EPHA6: variants seen among roughly 807,000 people sequenced by gnomAD.
The protein encoded by EPHA6 is ephrin type-A receptor 6.
EPHA6 carries 50 observed loss-of-function variants against 112.0 expected under a neutral mutation model. The observed-to-expected ratio is 0.45, with a 90% CI of 0.36 to 0.56. EPHA6 has a LOEUF of 0.56. Among genes scored for constraint, EPHA6 ranks in the 20% least tolerant of loss-of-function variants. The pLI is 0.00. For synonymous variants in EPHA6, 529 were observed against 490.7 expected, an observed-to-expected ratio of 1.08 and a Z score of -1.03; for missense variants, 1,280 against 1,417.4, an observed-to-expected ratio of 0.90 and a Z score of 1.56.
intron 6 of EPHA6, among the ~76,000 whole-genome samples, chr3:97,407,043 A>C (rs2087393604): frequency 6.6e-6 from 1 of 152,166 alleles, no homozygotes; most frequent in African/African-American, 2.4e-5. Context: ...TAGAAAAATC[A>C]CTGTCTAATT....
At chr3:97,056,409 T>C (rs145362490) in intron 3 of EPHA6, among the ~76,000 whole-genome samples, 109 of 152,300 alleles carry the variant, frequency 7.2e-4, no homozygotes, top group Non-Finnish European at 1.2e-3. Flanking sequence ...ACAAATCTGT[T>C]CTTTTATCAG....
chr3:97,610,822 A>T lies in EPHA6; in HGVS notation c.2542A>T (p.Met848Leu). ...GRPVMIVVEY[M>L]ENGSLDSFLR... ...ACCAGTAATGATTGTGGTGGAATAT[A>T]TGGAGAATGGATCCCTAGACTCCTT... is the stretch of plus-strand genomic sequence containing the variant. Residue 848 changes from methionine to leucine, a missense_variant, in exon 13 of 18, where the codon ATG becomes TTG. Coordinates refer to ENST00000389672, the MANE Select transcript of EPHA6 (RefSeq NM_001080448.3). The T allele has an allele frequency of 3.7e-6, 6 of 1,611,874 alleles. No homozygotes were observed. Among genetic ancestry groups the T allele is most frequent in the Non-Finnish European group, 5.1e-6 (6 of 1,178,566 alleles).
At chr3:97,427,393 C>T (rs2089214904) in intron 6 of EPHA6, among the ~76,000 whole-genome samples, 1 of 152,100 alleles carries the variant, frequency 6.6e-6, no homozygotes. Context: ...TTTCCAGGAA[C>T]ATGGTTGCAA....
At chr3:97,313,985 T>C (rs2081685244) in intron 5 of EPHA6, among the ~76,000 whole-genome samples, 1 of 151,572 alleles carries the variant, frequency 6.6e-6, no homozygotes, top group South Asian at 2.1e-4. Context: ...TTTCTTCCTA[T>C]GTTTTCTTCT....
intron 16 of EPHA6, among the ~76,000 whole-genome samples, chr3:97,738,699 C>T (rs962656616): frequency 5.9e-5 from 9 of 151,988 alleles, no homozygotes; most frequent in Admixed American, 2.0e-4. Context: ...CACTGCAGCA[C>T]GCAGGCCAAA....
intron 11 of EPHA6, among the ~76,000 whole-genome samples, chr3:97,551,287 T>A (rs564424132): frequency 2.7e-4 from 41 of 152,290 alleles, no homozygotes; most frequent in African/African-American, 9.9e-4. Context: ...TAGAGCACAG[T>A]CTTCTGTTTT....
intron 7 of EPHA6, among the ~76,000 whole-genome samples, chr3:97,468,773 T>C (rs144462187): frequency 9.2e-5 from 14 of 151,788 alleles, no homozygotes; most frequent in African/African-American, 3.4e-4. Context: ...TATCCTTATA[T>C]TTAGAATGTG....
chr3:96,981,263 C>T (rs938822897), intron 2 of EPHA6, among the ~76,000 whole-genome samples: 4 of 151,946 alleles, frequency 2.6e-5, no homozygotes, highest in Non-Finnish European at 4.4e-5. Flanking sequence ...GCATGAAGGG[C>T]TGTTGAATTT....
intron 6 of EPHA6, among the ~76,000 whole-genome samples, chr3:97,439,899 A>C (rs2090045636): frequency 6.6e-6 from 1 of 152,162 alleles, no homozygotes; most frequent in Non-Finnish European, 1.5e-5. Context: ...TTAGTAGTTC[A>C]ATTCCCAGTG....
At chr3:97,406,409 A>G (rs1474340148) in intron 6 of EPHA6, among the ~76,000 whole-genome samples, 2 of 152,018 alleles carry the variant, frequency 1.3e-5, no homozygotes, top group Non-Finnish European at 2.9e-5. Context: ...AGGAAGTCAA[A>G]CTCATCCTTT....
chr3:97,324,477 TTCG>T, intron 5 of EPHA6, among the ~76,000 whole-genome samples: 1 of 93,162 alleles, frequency 1.1e-5, no homozygotes, highest in Admixed American at 1.2e-4. Context: ...TTCTTTTTCT[TTCG>T]TCTCTTTCTC....
At chr3:96,888,076 G>A (rs1048079849) in intron 2 of EPHA6, among the ~76,000 whole-genome samples, 4 of 152,026 alleles carry the variant, frequency 2.6e-5, no homozygotes, top group Non-Finnish European at 4.4e-5. Context: ...TCTGCACACC[G>A]GATTTGCACC....
chr3:97,716,512 G>A (rs374523230), intron 14 of EPHA6, among the ~76,000 whole-genome samples: 1 of 122,064 alleles, frequency 8.2e-6, no homozygotes, highest in East Asian at 2.1e-4. Flanking sequence ...AGCTTGCAGT[G>A]AGCCGAGATT....
At chr3:97,738,270 T>C (rs576728094) in intron 16 of EPHA6, among the ~76,000 whole-genome samples, 8 of 152,062 alleles carry the variant, frequency 5.3e-5, no homozygotes, top group Non-Finnish European at 5.9e-5. Context: ...CATGCTGTAG[T>C]ATTGAGGAGA....
intron 10 of EPHA6, among the ~76,000 whole-genome samples, chr3:97,514,203 T>C (rs936160219): frequency 2.0e-5 from 3 of 152,130 alleles, no homozygotes; most frequent in African/African-American, 4.8e-5. Context: ...CAAGAATCTG[T>C]TTCCTCCTCT....
chr3:96,848,036 T>C (rs1193511011), intron 1 of EPHA6, among the ~76,000 whole-genome samples: 1 of 152,104 alleles, frequency 6.6e-6, no homozygotes, highest in Non-Finnish European at 1.5e-5. Context: ...TCATTCTACA[T>C]AGGCTTGAAA....
intron 10 of EPHA6, among the ~76,000 whole-genome samples, chr3:97,518,987 G>T (rs900324647): frequency 6.6e-6 from 1 of 152,018 alleles, no homozygotes; most frequent in South Asian, 2.1e-4. Context: ...GCTGTGCAGA[G>T]CTTTTTATTT....
At chr3:96,854,163 C>G (rs1263504116) in intron 1 of EPHA6, among the ~76,000 whole-genome samples, 1 of 149,204 alleles carries the variant, frequency 6.7e-6, no homozygotes, top group Non-Finnish European at 1.5e-5. Flanking sequence ...AATACTTCAA[C>G]TCTGTTTAAT....
At chr3:96,924,883 T>C (rs2039955600) in intron 2 of EPHA6, among the ~76,000 whole-genome samples, 1 of 152,196 alleles carries the variant, frequency 6.6e-6, no homozygotes, top group Non-Finnish European at 1.5e-5. Context: ...TCTGCATCTA[T>C]TGAGATAATC....
Sources: allele counts gnomAD v4.1 joint callset (sites outside exome capture counted in the v4.1 genomes callset), GRCh38; gene constraint gnomAD v4.1.1; transcripts MANE v1.5; gene names NCBI Gene and HGNC (gene_info 2026-07-23, HGNC 2026-07-21).